The following HDLBP variants were observed in gnomAD, a reference collection of about 807,000 sequenced individuals.
The protein encoded by HDLBP is vigilin.
A neutral mutation model predicts 137.3 loss-of-function variants in HDLBP; 30 were observed. The ratio of observed to expected loss-of-function variants is 0.22; its 90% CI spans 0.16 to 0.30. HDLBP has a LOEUF of 0.30. Ranked by LOEUF, HDLBP falls within the 10% of genes least tolerant of loss-of-function variation. The pLI, the probability that HDLBP is intolerant of heterozygous loss-of-function variation, is 1.00. For missense variants in HDLBP, 1,119 were observed against 1,667.3 expected (o/e 0.67, Z 5.73); for synonymous variants, 606 against 596.0 (o/e 1.02, Z -0.24).
chr2:241,315,154 C>A (rs1483675909), intron 1 of HDLBP: 4 of 152,274 alleles, frequency 2.6e-5, no homozygotes, highest in Admixed American at 6.5e-5. Flanking sequence ...GCTCCGCCCT[C>A]CCCCGCGGGG....
In HDLBP at chr2:241,268,466, G is replaced by A. The variant is rs1480302235; in HGVS notation, c.-38+11C>T. The A allele has an allele frequency of 2.0e-6, 2 of 985,772 alleles. No individual in the cohort carries two copies. The highest frequency in any genetic ancestry group is 6.1e-5 in the Admixed American group (1 of 16,268). 61.1% of individuals were successfully genotyped at this position (985,772 alleles called of 1,614,324 possible). A position where few individuals can be genotyped will look rare whatever the true frequency, so the allele number is the denominator to read the frequency against. On this transcript the variant is annotated intron_variant, in intron 2 of 27. Coordinates refer to ENST00000310931, the MANE Select transcript of HDLBP (RefSeq NM_005336.6). ...CAGGGACAGGAAGTCTTCAGACAGG[G>A]TCAAACTTACCAGCAAAACGGTCAG...
intron 5 of HDLBP, among the ~76,000 whole-genome samples, chr2:241,260,033 T>C (rs2149505756): frequency 6.6e-6 from 1 of 152,322 alleles, no homozygotes; most frequent in East Asian, 1.9e-4. Context: ...GACAGAGTTT[T>C]GCTCCTGTTG....
chr2:241,249,338 A>G, intron 12 of HDLBP: 1 of 471,238 alleles, frequency 2.1e-6, no homozygotes, highest in Non-Finnish European at 4.4e-6. Flanking sequence ...GAGACTTTCA[A>G]GTGTGGGTAT....
At chr2:241,261,753 C>T (rs549676325) in intron 5 of HDLBP, among the ~76,000 whole-genome samples, 11 of 152,348 alleles carry the variant, frequency 7.2e-5, no homozygotes, top group African/African-American at 1.7e-4. Flanking sequence ...GGGACTGTCC[C>T]GATGCCCCCA....
intron 27 of HDLBP, 27 bp downstream of exon 27, chr2:241,229,806 C>T (rs775856111): frequency 1.9e-6 from 3 of 1,563,786 alleles, no homozygotes; most frequent in East Asian, 4.7e-5. Flanking sequence ...TCCCTGGGAC[C>T]CAGGAGGGCA....
intron 11 of HDLBP, chr2:241,250,977 ATG>A (rs768127971): frequency 1.3e-5 from 2 of 152,106 alleles, no homozygotes; most frequent in South Asian, 2.1e-4. Context: ...TTCCATATAT[ATG>A]TGTTTTGAGA....
chr2:241,250,255 G>A, intron 11 of HDLBP: 1 of 309,022 alleles, frequency 3.2e-6, no homozygotes, highest in Non-Finnish European at 5.9e-6. Flanking sequence ...GACGGTTGGG[G>A]CCACTCAGTC....
chr2:241,236,370 G>A (rs892531398), intron 21 of HDLBP: 13 of 541,726 alleles, frequency 2.4e-5, no homozygotes, highest in East Asian at 1.2e-4. Context: ...CTGAGAGGCC[G>A]GATCCCATGC....
chr2:241,239,781 G>A lies in HDLBP; in HGVS notation c.2431C>T (p.His811Tyr). ...VEDSMLVDPK[H>Y]HRHFVIRRGQ... ...CTGCGGATGACGAAGTGGCGGTGGTGCTTGGGGTCCACCAGCATGGAGTCT... is the reference window on the plus strand; with the variant it reads ...CTGCGGATGACGAAGTGGCGGTGGTACTTGGGGTCCACCAGCATGGAGTCT... The change falls in exon 19 of 28, where the codon CAC becomes TAC. Residue 811 changes from histidine to tyrosine, a missense_variant. Transcript: ENST00000310931. The surrounding 1 kb of genome is among the most constrained non-coding windows in gnomAD (Gnocchi z 4.6). 1.2e-6 allele frequency: 2 copies of A among 1,613,992 alleles called. No individual in the cohort carries two copies. Among genetic ancestry groups the A allele is most frequent in the Non-Finnish European group, 8.5e-7 (1 of 1,180,020 alleles).
At chr2:241,299,901 C>T (rs776088648) in intron 1 of HDLBP, among the ~76,000 whole-genome samples, 14 of 134,088 alleles carry the variant, frequency 1.0e-4, no homozygotes, top group Non-Finnish European at 1.8e-4. Flanking sequence ...GGGGACAGAG[C>T]GAGATTCCGT....
intron 1 of HDLBP, among the ~76,000 whole-genome samples, chr2:241,311,617 T>C (rs187270150): frequency 2.6e-5 from 4 of 152,326 alleles, no homozygotes; most frequent in East Asian, 1.9e-4. Flanking sequence ...ATTTAGATAA[T>C]TGCTTCAGAA....
intron 1 of HDLBP, among the ~76,000 whole-genome samples, chr2:241,288,958 A>AT (rs2074921768): frequency 6.6e-6 from 1 of 152,168 alleles, no homozygotes; most frequent in Non-Finnish European, 1.5e-5. Context: ...ACACTTGATG[A>AT]TTTTTTCCTT....
chr2:241,279,776 G>A (rs2074528852), intron 1 of HDLBP, among the ~76,000 whole-genome samples: 2 of 152,182 alleles, frequency 1.3e-5, no homozygotes, highest in Admixed American at 6.5e-5. Flanking sequence ...CGTACTTCAG[G>A]AAAAAGCTTT....
chr2:241,235,588 C>A lies in HDLBP; in HGVS notation c.2911G>T (p.Val971Phe). The A allele has an allele frequency of 6.2e-7, 1 of 1,612,268 alleles. No homozygotes were observed. The highest frequency in any genetic ancestry group is 1.3e-5 in the African/African-American group (1 of 74,978). The change falls in exon 22 of 28, where the codon GTT becomes TTT. Residue 971 changes from valine (V) to phenylalanine (F), a missense_variant. By Grantham distance (50) the Val-to-Phe change is conservative. Around this residue, in one of 4 missense-constraint regions of HDLBP, gnomAD observed 618 missense variants for 816.7 expected, o/e 0.76. Transcript: ENST00000310931. Reference protein sequence around the residue: ...EAAKEALEALVPVTIEVEVPF... With the variant: ...EAAKEALEALFPVTIEVEVPF... ...ACCTCTACTTCAATGGTGACAGGAA[C>A]CAATGCCTGCAGGGAGGATGGTCAT...
At chr2:241,236,897 G>C (rs1165272864) in intron 20 of HDLBP, 128 bp from the exon 21 acceptor site, 7 of 861,782 alleles carry the variant, frequency 8.1e-6, no homozygotes, top group Middle Eastern at 2.6e-4. Flanking sequence ...AACCACTCCT[G>C]TCCTTCAGGA....
chr2:241,246,915 A>G (rs1242798397), intron 15 of HDLBP, 32 bp from the exon 16 acceptor site: 2 of 1,613,246 alleles, frequency 1.2e-6, no homozygotes, highest in African/African-American at 1.3e-5. Context: ...TGAGAAGCTG[A>G]CTAGAGCTCT....
In HDLBP at chr2:241,272,848, GC is replaced by G. The variant is rs975948690; in HGVS notation, c.-102-4308del. ...GGACGCTCCGAGGCGCGGCGCCCGG[GC>G]CCCGGCTGCTATATAGGGCGGCGGC... is the stretch of plus-strand genomic sequence containing the variant. On this transcript the variant is annotated intron_variant, in intron 1 of 27. Coordinates refer to ENST00000310931, the MANE Select transcript of HDLBP (RefSeq NM_005336.6). The surrounding 1 kb of genome is among the most constrained non-coding windows in gnomAD (Gnocchi z 5.6). 20 of 294,668 alleles carry G rather than the reference GC, an allele frequency of 6.8e-5. No individual in the cohort carries two copies. The highest frequency in any genetic ancestry group is 2.5e-4 in the African/African-American group (11 of 43,876). The allele number at this position is 294,668 out of a possible 1,614,324, so 18.3% of individuals were successfully genotyped here.
chr2:241,263,598 A>C (rs189528252), intron 4 of HDLBP, among the ~76,000 whole-genome samples: 1 of 152,280 alleles, frequency 6.6e-6, no homozygotes, highest in East Asian at 1.9e-4. Flanking sequence ...AAATGGAAGG[A>C]TTGGGATGCA....
chr2:241,246,710 G>T (rs1256339472), intron 16 of HDLBP, 42 bp downstream of exon 16: 2 of 1,595,436 alleles, frequency 1.3e-6, no homozygotes, highest in South Asian at 1.1e-5. Flanking sequence ...GGCTGTTAGA[G>T]ATTTTACTGG....
Sources: allele counts gnomAD v4.1 joint callset (sites outside exome capture counted in the v4.1 genomes callset), GRCh38; gene constraint gnomAD v4.1.1; regional missense constraint gnomAD v4.1.1; non-coding constraint Gnocchi (gnomAD v3.1); transcripts MANE v1.5; gene names NCBI Gene and HGNC (gene_info 2026-07-23, HGNC 2026-07-21).